ANKRD11: variants seen among roughly 807,000 people sequenced by gnomAD.
ANKRD11 encodes the protein ankyrin repeat domain-containing protein 11.
In ANKRD11, 17 loss-of-function variants were observed where a neutral mutation model predicts 195.7. The ratio of observed to expected loss-of-function variants is 0.09; its 90% confidence interval spans 0.06 to 0.13. ANKRD11 has a LOEUF of 0.13. ANKRD11 is among the 10% of genes least tolerant of loss of function. The pLI, the probability that ANKRD11 is intolerant of heterozygous loss-of-function variation, is 1.00. For synonymous variants in ANKRD11, 1,953 were observed against 1,528.1 expected (o/e 1.28, Z -6.49); for missense variants, 3,735 against 3,566.1 (o/e 1.05, Z -1.21).
chr16:89,442,242 C>T (rs2043544507), intron 1 of ANKRD11, among the ~76,000 whole-genome samples: 2 of 152,340 alleles, frequency 1.3e-5, no homozygotes, highest in South Asian at 4.1e-4. Flanking sequence ...CATGCCAGGT[C>T]ATGTCTACGC....
At chr16:89,437,204 G>A (rs2043251655) in intron 1 of ANKRD11, among the ~76,000 whole-genome samples, 1 of 152,146 alleles carries the variant, frequency 6.6e-6, no homozygotes, top group African/African-American at 2.4e-5. Context: ...GAGAAGGAAC[G>A]TCCACTTATG....
chr16:89,478,340 T>A (rs190998010), intron 1 of ANKRD11, among the ~76,000 whole-genome samples: 2 of 152,126 alleles, frequency 1.3e-5, no homozygotes, highest in East Asian at 3.9e-4. Context: ...GGTTGGTTTT[T>A]TTTTTAACGT....
chr16:89,290,913 G>A lies in ANKRD11; in HGVS notation c.398-85C>T, dbSNP rs931080666. ...CTTCAAGAGCCCAGGCCACCATCAC[G>A]AGGTCCCTTTGCACAGGGCTTGTCC... On this transcript the variant is annotated intron_variant, in intron 5 of 12. Transcript: ENST00000301030. 1.1e-5 allele frequency: 18 copies of A among 1,608,508 alleles called. 1 individual carries two copies. The South Asian group carries it at 1.4e-4, about 13-fold the overall frequency.
At chr16:89,295,514 CTGAGA>C (rs1309319470) in intron 4 of ANKRD11, among the ~76,000 whole-genome samples, 1 of 152,258 alleles carries the variant, frequency 6.6e-6, no homozygotes, top group Non-Finnish European at 1.5e-5. Flanking sequence ...CAGCACAGAG[CTGAGA>C]CCCCTCCATG....
At chr16:89,489,882 CG>C (rs2057759494) in intron 1 of ANKRD11, among the ~76,000 whole-genome samples, 2 of 143,616 alleles carry the variant, frequency 1.4e-5, no homozygotes, top group African/African-American at 5.1e-5. Flanking sequence ...AGAGCCGCCG[CG>C]GGCCCCCGGC....
At chr16:89,321,433 C>A (rs2037317815) in intron 2 of ANKRD11, among the ~76,000 whole-genome samples, 1 of 74,758 alleles carries the variant, frequency 1.3e-5, no homozygotes, top group South Asian at 4.2e-4. Context: ...GCGGGGCCTG[C>A]AGGGCAGGGT....
rs55664494 is a variant in ANKRD11, at chr16:89,426,529, T to TCACACACACACACACACACA, written c.-144-8181_-144-8162dup. Among the ~76,000 whole-genome samples the TCACACACACACACACACACA allele has an allele frequency of 1.8e-4, 26 of 142,356 alleles. No individual in the cohort carries two copies. The East Asian group carries it at 3.0e-3, about 16-fold the overall frequency. 93.4% of individuals were successfully genotyped at this position (142,356 alleles called of 152,430 possible). On this transcript the variant is annotated intron_variant, in intron 1 of 12. Transcript: ENST00000301030. ...AGAGGCTCTGATGGTCACTTAAACA[T>TCACACACACACACACACACA]CACACACACACACACACACACACAC... is the stretch of plus-strand genomic sequence containing the variant.
chr16:89,384,799 C>G (rs544520426), intron 2 of ANKRD11, among the ~76,000 whole-genome samples: 1 of 151,600 alleles, frequency 6.6e-6, no homozygotes, highest in Non-Finnish European at 1.5e-5. Context: ...CACTAGACAG[C>G]CCAACAACAG....
In ANKRD11 at chr16:89,282,574, A is replaced by T; in HGVS notation, c.3968T>A (p.Val1323Asp). 1 of 1,612,600 alleles carries T rather than the reference A, an allele frequency of 6.2e-7. No homozygotes were observed. Among genetic ancestry groups the T allele is most frequent in the Non-Finnish European group, 8.5e-7 (1 of 1,179,626 alleles). ...GTCTCCAGGTGGCTCCGTGAAAGAG[A>T]CCTCCAGGAAGGCAGTCAGCCCCGG... ...QEPGLTAFLE[V>D]SFTEPPGDDK... is the part of the protein sequence containing the mutation. The change falls in exon 9 of 13, where the codon GTC (valine) becomes GAC (aspartate). Residue 1323 changes from valine (V) to aspartate (D), a missense_variant. By Grantham distance (152) the Val-to-Asp change is radical. Coordinates refer to ENST00000301030, the MANE Select transcript of ANKRD11 (RefSeq NM_013275.6).
intron 1 of ANKRD11, among the ~76,000 whole-genome samples, chr16:89,426,529 TCACACACACA>T (rs55664494): frequency 2.7e-4 from 38 of 142,354 alleles, no homozygotes; most frequent in South Asian, 4.7e-4. Flanking sequence ...CACTTAAACA[TCACACACACA>T]CACACACACA....
At chr16:89,286,498 C>T (rs892714843) in intron 7 of ANKRD11, 6 of 521,374 alleles carry the variant, frequency 1.2e-5, no homozygotes, top group Admixed American at 3.6e-5. Context: ...CGCAAGTAGA[C>T]GACTTCCCAG....
intron 1 of ANKRD11, among the ~76,000 whole-genome samples, chr16:89,442,094 G>C (rs2043534329): frequency 6.6e-6 from 1 of 152,178 alleles, no homozygotes; most frequent in South Asian, 2.1e-4. Flanking sequence ...TATGAAAAAG[G>C]TCTGTGCACA....
At chr16:89,485,963 A>G (rs537407691) in intron 1 of ANKRD11, among the ~76,000 whole-genome samples, 3 of 152,154 alleles carry the variant, frequency 2.0e-5, no homozygotes, top group Non-Finnish European at 4.4e-5. Flanking sequence ...AACGATGAGG[A>G]AATCTGAATA....
chr16:89,473,409 C>G (rs1016825822), intron 1 of ANKRD11, among the ~76,000 whole-genome samples: 2 of 152,174 alleles, frequency 1.3e-5, no homozygotes, highest in Admixed American at 6.5e-5. Context: ...GCTTCACTGA[C>G]CACATCCATC....
At chr16:89,286,290 C>T in intron 7 of ANKRD11, 104 bp from the exon 8 acceptor site, 6 of 1,500,888 alleles carry the variant, frequency 4.0e-6, no homozygotes, top group East Asian at 4.5e-5. Context: ...GGGTTCGACC[C>T]GAGAGCAGCC....
chr16:89,397,748 T>A (rs2041508084), intron 2 of ANKRD11, among the ~76,000 whole-genome samples: 1 of 152,246 alleles, frequency 6.6e-6, no homozygotes, highest in African/African-American at 2.4e-5. Context: ...AAGCCTCTCC[T>A]CTGAGCATCT....
At chr16:89,463,478 T>G (rs2152337530) in intron 1 of ANKRD11, among the ~76,000 whole-genome samples, 1 of 152,230 alleles carries the variant, frequency 6.6e-6, no homozygotes, top group East Asian at 1.9e-4. Flanking sequence ...GGCAGCATAC[T>G]CGTTAAGAGT....
chr16:89,454,759 TTCC>T (rs1194627840), intron 1 of ANKRD11, among the ~76,000 whole-genome samples: 4 of 112,556 alleles, frequency 3.6e-5, no homozygotes, highest in Admixed American at 9.0e-5. Flanking sequence ...GCTTCTAGGG[TTCC>T]TCAAGCTGCT....
chr16:89,417,829 G>A (rs955446424), intron 2 of ANKRD11, among the ~76,000 whole-genome samples: 1 of 149,670 alleles, frequency 6.7e-6, no homozygotes, highest in Non-Finnish European at 1.5e-5. Flanking sequence ...CCTCATCCAA[G>A]GACAACCAGG....
Sources: gnomAD v4.1 joint callset for allele counts (sites outside exome capture counted in the v4.1 genomes callset) on GRCh38, gnomAD v4.1.1 for gene constraint, MANE v1.5 for transcripts, NCBI Gene and HGNC (gene_info 2026-07-23, HGNC 2026-07-21) for gene names.